Variants in NRXN3 observed in about 807,000 individuals in gnomAD.
The protein encoded by NRXN3 is neurexin 3.
A neutral mutation model predicts 137.6 loss-of-function variants in NRXN3; 32 were observed. That is an observed-to-expected ratio of 0.23 (90% confidence interval 0.18 to 0.31). NRXN3 has a LOEUF of 0.31. Ranked by LOEUF, NRXN3 falls within the 10% of genes least tolerant of loss-of-function variation. The pLI, the probability that NRXN3 is intolerant of heterozygous loss-of-function variation, is 1.00. For synonymous variants in NRXN3, 798 were observed against 784.5 expected (o/e 1.02, Z -0.29); for missense variants, 1,574 against 2,062.5 (o/e 0.76, Z 4.59).
intron 2 of NRXN3, among the ~76,000 whole-genome samples, chr14:78,255,796 A>G (rs770584910): frequency 1.3e-5 from 2 of 152,214 alleles, no homozygotes; most frequent in Non-Finnish European, 2.9e-5. Flanking sequence ...TGCAGGTTTT[A>G]TATGTGCACA....
At chr14:79,523,488 C>A (rs1010518512) in intron 16 of NRXN3, among the ~76,000 whole-genome samples, 2 of 152,164 alleles carry the variant, frequency 1.3e-5, no homozygotes, top group African/African-American at 4.8e-5. Flanking sequence ...AAAATCTGTT[C>A]CAATTACTGT....
chr14:79,016,582 G>A (rs2099579619), intron 15 of NRXN3, among the ~76,000 whole-genome samples: 2 of 152,114 alleles, frequency 1.3e-5, no homozygotes, highest in South Asian at 4.1e-4. Flanking sequence ...TGGAGAAACA[G>A]GCACTAAATC....
At chr14:79,152,745 C>T (rs933206862) in intron 15 of NRXN3, among the ~76,000 whole-genome samples, 2 of 151,996 alleles carry the variant, frequency 1.3e-5, no homozygotes, top group African/African-American at 4.8e-5. Context: ...ACCCTGACCC[C>T]ACCCTTGACA....
chr14:78,362,429 C>A (rs1382941455), intron 4 of NRXN3, among the ~76,000 whole-genome samples: 3 of 151,946 alleles, frequency 2.0e-5, no homozygotes, highest in African/African-American at 7.3e-5. Context: ...AAAAAGTCAA[C>A]AACTACTTTG....
At chr14:78,692,867 G>A (rs868426868) in intron 6 of NRXN3, among the ~76,000 whole-genome samples, 5 of 149,598 alleles carry the variant, frequency 3.3e-5, no homozygotes, top group Non-Finnish European at 3.0e-5. Context: ...GATCATGTGA[G>A]GTCATGAGTT....
chr14:79,629,480 G>T (rs1173700794), intron 16 of NRXN3, among the ~76,000 whole-genome samples: 1 of 152,082 alleles, frequency 6.6e-6, no homozygotes, highest in African/African-American at 2.4e-5. Context: ...CAGTATTCCA[G>T]CTTGGAGACT....
chr14:78,745,041 A>G lies in NRXN3; in HGVS notation c.2044+29902A>G, dbSNP rs550896309. 6.6e-5 allele frequency: 10 copies of G among 152,372 alleles called. No homozygotes were observed. In the East Asian group the frequency reaches 1.7e-3, roughly 26 times the overall value. 9.4% of individuals were successfully genotyped at this position (152,372 alleles called of 1,614,324 possible). A position where few individuals can be genotyped will look rare whatever the true frequency, so the allele number is the denominator to read the frequency against. On this transcript the variant is annotated intron_variant, in intron 8 of 20. Transcript: ENST00000335750. Reference sequence around the variant, plus strand: ...CTACAAGACACTGATGTAGAAAACCATAATGTCAGTTTACTAATGTAGAAT... The same window carrying G: ...CTACAAGACACTGATGTAGAAAACCGTAATGTCAGTTTACTAATGTAGAAT...
chr14:79,391,340 G>A, intron 15 of NRXN3, among the ~76,000 whole-genome samples: 1 of 152,132 alleles, frequency 6.6e-6, no homozygotes, highest in East Asian at 1.9e-4. Context: ...CAGTAATTGG[G>A]TTCAAGCCCC....
chr14:79,648,356 G>A (rs75763072), intron 16 of NRXN3, among the ~76,000 whole-genome samples: 2,078 of 135,542 alleles, frequency 0.015, 186 homozygotes, highest in African/African-American at 0.048. Context: ...TACAGAAAAT[G>A]TTGGCTCTGT....
At chr14:79,178,224 G>GA in intron 15 of NRXN3, among the ~76,000 whole-genome samples, 1 of 152,200 alleles carries the variant, frequency 6.6e-6, no homozygotes, top group Non-Finnish European at 1.5e-5. Flanking sequence ...CACACTTTGA[G>GA]AAACACTGCT....
Position 78,243,147 on chromosome 14 carries a change from G to A in NRXN3, c.54G>A (p.Leu18=), listed in dbSNP as rs1264402363. 3 of 1,546,528 alleles carry A rather than the reference G, an allele frequency of 1.9e-6. No individual in the cohort carries two copies. The highest frequency in any genetic ancestry group is 2.6e-6 in the Non-Finnish European group (3 of 1,153,054). Reference sequence around the variant, plus strand: ...TCACCCTGAAGGTCAGCATCCTGCTGGGGTCCCTGCTGGGGCTCTGCCTGG... The same window carrying A: ...TCACCCTGAAGGTCAGCATCCTGCTAGGGTCCCTGCTGGGGCTCTGCCTGG... ...VFFTLKVSIL[L]GSLLGLCLGL... is the part of the protein sequence containing the mutation. Residue 18 remains leucine, a synonymous_variant, in exon 2 of 21, where the codon CTG becomes CTA. Coordinates refer to ENST00000335750, the MANE Select transcript of NRXN3 (RefSeq NM_001330195.2). The surrounding 1 kb of genome is among the most constrained non-coding windows in gnomAD (Gnocchi z 4.2).
chr14:79,819,906 G>A lies in NRXN3; in HGVS notation c.4093+14716G>A, dbSNP rs182542270. Reference sequence around the variant, plus strand: ...ACCCAGCTTGTACACTACATATTTGGGTAGGAGCTTAACGTCTTGCCCTTC... The same window carrying A: ...ACCCAGCTTGTACACTACATATTTGAGTAGGAGCTTAACGTCTTGCCCTTC... On this transcript the variant is annotated intron_variant, in intron 20 of 20. Coordinates refer to ENST00000335750, the MANE Select transcript of NRXN3 (RefSeq NM_001330195.2). 4.6e-5 allele frequency among the ~76,000 whole-genome samples: 7 copies of A among 152,080 alleles called. 1 individual carries two copies. Among genetic ancestry groups the A allele is most frequent in the East Asian group, 1.9e-4 (1 of 5,156 alleles).
intron 16 of NRXN3, among the ~76,000 whole-genome samples, chr14:79,478,160 TTTTTATATATTTAAATATATATTA>T (rs1189644530): frequency 1.0e-3 from 148 of 148,472 alleles, no homozygotes; most frequent in African/African-American, 1.4e-3. Flanking sequence ...TATATACATA[TTTTTATATATTTAAATATATATTA>T]TTTTATATAT....
intron 2 of NRXN3, among the ~76,000 whole-genome samples, chr14:78,263,309 T>C (rs2071094336): frequency 1.3e-5 from 2 of 152,208 alleles, no homozygotes; most frequent in South Asian, 4.1e-4. Flanking sequence ...TATGATTTTA[T>C]CCACTTTTTA....
intron 6 of NRXN3, among the ~76,000 whole-genome samples, chr14:78,666,372 G>A (rs2097886686): frequency 6.6e-6 from 1 of 152,118 alleles, no homozygotes; most frequent in African/African-American, 2.4e-5. Flanking sequence ...TAGGGAAAAA[G>A]CCAAAACAAA....
intron 16 of NRXN3, among the ~76,000 whole-genome samples, chr14:79,536,932 A>G (rs2097216963): frequency 1.3e-5 from 2 of 152,224 alleles, no homozygotes; most frequent in Admixed American, 6.5e-5. Flanking sequence ...GTGTGCATGT[A>G]TCCTTATAAC....
chr14:78,841,086 C>T (rs2099011039), intron 10 of NRXN3, among the ~76,000 whole-genome samples: 1 of 152,136 alleles, frequency 6.6e-6, no homozygotes, highest in Admixed American at 6.6e-5. Context: ...AATTAAAACC[C>T]ACTTACTCCT....
At chr14:78,419,986 C>CACACA (rs10676901) in intron 4 of NRXN3, among the ~76,000 whole-genome samples, 10,458 of 150,162 alleles carry the variant, frequency 0.07, 416 homozygotes, top group African/African-American at 0.096. Flanking sequence ...CACACACACA[C>CACACA]GTAAAGTCCT....
chr14:78,954,700 C>G (rs113712843), intron 10 of NRXN3, among the ~76,000 whole-genome samples: 7,781 of 151,110 alleles, frequency 0.051, 684 homozygotes, highest in African/African-American at 0.18. Context: ...CTCCTGACCT[C>G]GTGATCTGCC....
Sources: allele counts gnomAD v4.1 joint callset (sites outside exome capture counted in the v4.1 genomes callset), GRCh38; gene constraint gnomAD v4.1.1; non-coding constraint Gnocchi (gnomAD v3.1); transcripts MANE v1.5; gene names NCBI Gene and HGNC (gene_info 2026-07-23, HGNC 2026-07-21).